The following FAM168A variants were observed in gnomAD, a reference collection of about 807,000 sequenced individuals.
The protein encoded by FAM168A is family with sequence similarity 168 member A, also known as protein FAM168A.
FAM168A carries 3 observed loss-of-function variants against 28.5 expected under a neutral mutation model. The observed-to-expected ratio is 0.11, with a 90% confidence interval of 0.05 to 0.27. The LOEUF (loss-of-function observed/expected upper bound fraction) is 0.27, where lower values mean the gene tolerates loss of function less well. Among genes scored for constraint, FAM168A ranks in the 10% least tolerant of loss-of-function variants. The pLI, the probability that FAM168A is intolerant of heterozygous loss-of-function variation, is 1.00. For synonymous variants in FAM168A, 122 were observed against 124.2 expected, an observed-to-expected ratio of 0.98 and a Z score of 0.12; for missense variants, 222 against 311.5, an observed-to-expected ratio of 0.71 and a Z score of 2.16.
chr11:73,522,113 CAGGG>C (rs1192458120), intron 1 of FAM168A, among the ~76,000 whole-genome samples: 1 of 150,918 alleles, frequency 6.6e-6, no homozygotes, highest in Non-Finnish European at 1.5e-5. Context: ...CCTCTTACCA[CAGGG>C]GTATTTTGTC....
chr11:73,434,538 A>G (rs1867055663), intron 2 of FAM168A, among the ~76,000 whole-genome samples: 1 of 152,226 alleles, frequency 6.6e-6, no homozygotes, highest in African/African-American at 2.4e-5. Context: ...CTAAGGTGAC[A>G]GCATATGGGA....
chr11:73,447,006 G>A (rs1867328592), intron 2 of FAM168A, among the ~76,000 whole-genome samples: 1 of 152,144 alleles, frequency 6.6e-6, no homozygotes, highest in South Asian at 2.1e-4. Flanking sequence ...TTCTTCTCTT[G>A]CCACGCCGGG....
chr11:73,420,033 A>C (rs749618340), intron 3 of FAM168A, 34 bp from the exon 4 acceptor site: 2 of 1,609,826 alleles, frequency 1.2e-6, no homozygotes, highest in South Asian at 2.2e-5. Context: ...CATTAGACAG[A>C]AATAAGAAGT....
At chr11:73,495,333 TTAAA>T (rs556465950) in intron 1 of FAM168A, among the ~76,000 whole-genome samples, 1 of 151,730 alleles carries the variant, frequency 6.6e-6, no homozygotes, top group Non-Finnish European at 1.5e-5. Context: ...CGTCTCAAAA[TTAAA>T]TAAATAAATA....
intron 3 of FAM168A, among the ~76,000 whole-genome samples, chr11:73,429,693 C>T (rs1322124060): frequency 1.3e-5 from 2 of 152,216 alleles, no homozygotes; most frequent in African/African-American, 4.8e-5. Flanking sequence ...CCTACACTTT[C>T]ACCCCCAGGC....
intron 3 of FAM168A, among the ~76,000 whole-genome samples, chr11:73,423,583 C>A (rs1411357450): frequency 6.6e-6 from 1 of 152,210 alleles, no homozygotes; most frequent in African/African-American, 2.4e-5. Context: ...GCTACCTCTT[C>A]TGGCATGTAT....
intron 2 of FAM168A, among the ~76,000 whole-genome samples, chr11:73,444,458 A>G (rs1221074509): frequency 6.6e-6 from 1 of 152,248 alleles, no homozygotes; most frequent in Non-Finnish European, 1.5e-5. Flanking sequence ...GCTTCTAGTC[A>G]GCATGGCTTT....
At chr11:73,419,652 C>T (rs1348198515) in intron 4 of FAM168A, among the ~76,000 whole-genome samples, 1 of 152,214 alleles carries the variant, frequency 6.6e-6, no homozygotes, top group Non-Finnish European at 1.5e-5. Flanking sequence ...GTATTTCCTT[C>T]TCCTTCCCTC....
In FAM168A at chr11:73,494,194, A is replaced by G. The variant is rs898478638; in HGVS notation, c.-18-25702T>C. 5.9e-5 allele frequency among the ~76,000 whole-genome samples: 9 copies of G among 152,182 alleles called. 1 individual carries two copies. ...GAACCAAAGAGTGTTAGAGCTTGGTAGGACCTCAAAGATCATTTAATTTAA... is the reference window on the plus strand; with the variant it reads ...GAACCAAAGAGTGTTAGAGCTTGGTGGGACCTCAAAGATCATTTAATTTAA... On this transcript the variant is annotated intron_variant, in intron 1 of 7. Coordinates refer to ENST00000356467, the MANE Select transcript of FAM168A (RefSeq NM_015159.3).
At chr11:73,523,421 C>G (rs1010338397) in intron 1 of FAM168A, among the ~76,000 whole-genome samples, 1 of 152,014 alleles carries the variant, frequency 6.6e-6, no homozygotes, top group Admixed American at 6.6e-5. Flanking sequence ...TCTGCCTCCC[C>G]AGTAGCTGAC....
intron 1 of FAM168A, among the ~76,000 whole-genome samples, chr11:73,534,426 G>A (rs547858143): frequency 4.1e-5 from 6 of 146,224 alleles, no homozygotes; most frequent in South Asian, 4.3e-4. Flanking sequence ...TTTTTGAGAC[G>A]GAGTCTCACT....
At chr11:73,420,031 A>G in intron 3 of FAM168A, 32 bp from the exon 4 acceptor site, 1 of 1,609,738 alleles carries the variant, frequency 6.2e-7, no homozygotes, top group Non-Finnish European at 8.5e-7. Flanking sequence ...GGCATTAGAC[A>G]GAAATAAGAA....
At chr11:73,535,061 C>T (rs1319618834) in intron 1 of FAM168A, among the ~76,000 whole-genome samples, 2 of 152,190 alleles carry the variant, frequency 1.3e-5, no homozygotes, top group African/African-American at 4.8e-5. Flanking sequence ...AGTGGAAAAA[C>T]CTAAAGATAC....
intron 1 of FAM168A, among the ~76,000 whole-genome samples, chr11:73,502,562 A>C (rs1265961032): frequency 6.6e-6 from 1 of 152,230 alleles, no homozygotes; most frequent in African/African-American, 2.4e-5. Context: ...TTCTACCAGA[A>C]GTACAAAGAG....
intron 1 of FAM168A, among the ~76,000 whole-genome samples, chr11:73,570,733 C>CAA (rs1239311974): frequency 5.4e-5 from 5 of 92,984 alleles, no homozygotes; most frequent in Admixed American, 2.4e-4. Context: ...GATACTGTCT[C>CAA]AAAAAAAAAA....
chr11:73,481,879 G>A (rs1055745568), intron 1 of FAM168A, among the ~76,000 whole-genome samples: 1 of 152,208 alleles, frequency 6.6e-6, no homozygotes, highest in Non-Finnish European at 1.5e-5. Flanking sequence ...TAAAGGCTCT[G>A]CCGTCATGAA....
At chr11:73,566,292 TA>T (rs1258111772) in intron 1 of FAM168A, among the ~76,000 whole-genome samples, 2 of 152,368 alleles carry the variant, frequency 1.3e-5, no homozygotes, top group East Asian at 3.9e-4. Flanking sequence ...TAAATAATAT[TA>T]AAAATAAAAC....
chr11:73,451,462 T>C (rs1867428130), intron 2 of FAM168A, among the ~76,000 whole-genome samples: 1 of 152,220 alleles, frequency 6.6e-6, no homozygotes, highest in South Asian at 2.1e-4. Flanking sequence ...GTTAGGCACT[T>C]TGTGTTAGCA....
At chr11:73,471,286 G>A (rs1724174983) in intron 1 of FAM168A, among the ~76,000 whole-genome samples, 1 of 152,002 alleles carries the variant, frequency 6.6e-6, no homozygotes, top group Non-Finnish European at 1.5e-5. Flanking sequence ...GGGATCACAG[G>A]GTAGTCCTTT....
Sources: allele counts gnomAD v4.1 joint callset (sites outside exome capture counted in the v4.1 genomes callset), GRCh38; gene constraint gnomAD v4.1.1; transcripts MANE v1.5; gene names NCBI Gene and HGNC (gene_info 2026-07-23, HGNC 2026-07-21).